FAM117A: variants seen among roughly 807,000 people sequenced by gnomAD.
FAM117A encodes family with sequence similarity 117 member A.
A neutral mutation model predicts 44.1 loss-of-function variants in FAM117A; 21 were observed. The ratio of observed to expected loss-of-function variants is 0.48; its 90% CI spans 0.34 to 0.69. The LOEUF is 0.69. FAM117A is among the 30% of genes least tolerant of loss of function. The pLI is 0.01. For missense variants in FAM117A, 498 were observed against 589.9 expected (o/e 0.84, Z 1.61); for synonymous variants, 220 against 238.3 (o/e 0.92, Z 0.71).
chr17:49,735,499 T>G (rs1031561870), intron 1 of FAM117A, among the ~76,000 whole-genome samples: 23 of 152,252 alleles, frequency 1.5e-4, no homozygotes, highest in African/African-American at 5.5e-4. Flanking sequence ...TATTATGTTC[T>G]GCTTGGTTCC....
At chr17:49,715,100 T>C (rs926347160) in intron 7 of FAM117A, among the ~76,000 whole-genome samples, 11 of 152,136 alleles carry the variant, frequency 7.2e-5, no homozygotes, top group African/African-American at 2.4e-4. Context: ...CACCATAATG[T>C]GGATTGAGGG....
intron 1 of FAM117A, among the ~76,000 whole-genome samples, chr17:49,737,859 C>T (rs1183658479): frequency 6.6e-6 from 1 of 152,210 alleles, no homozygotes; most frequent in African/African-American, 2.4e-5. Context: ...AGCCTCCTTC[C>T]TCCTAAATCA....
chr17:49,756,074 T>C (rs1441232099), intron 1 of FAM117A, among the ~76,000 whole-genome samples: 12 of 152,006 alleles, frequency 7.9e-5, no homozygotes, highest in Admixed American at 5.9e-4. Flanking sequence ...ATAAGGAATA[T>C]AGCTGACTAG....
intron 2 of FAM117A, chr17:49,732,225 A>G: frequency 5.1e-6 from 1 of 197,580 alleles, no homozygotes; most frequent in South Asian, 1.0e-4. Context: ...ACTCATTTCC[A>G]TATAAGTTTA....
chr17:49,734,262 G>A (rs2073600484), intron 1 of FAM117A, among the ~76,000 whole-genome samples: 1 of 152,120 alleles, frequency 6.6e-6, no homozygotes, highest in South Asian at 2.1e-4. Flanking sequence ...AGAACTGGGA[G>A]CTGTAGGTAT....
intron 1 of FAM117A, among the ~76,000 whole-genome samples, chr17:49,787,333 A>C (rs1361058473): frequency 6.6e-6 from 1 of 152,234 alleles, no homozygotes; most frequent in African/African-American, 2.4e-5. Flanking sequence ...ATAAGTTCTT[A>C]CGTGCAGTTC....
intron 7 of FAM117A, 143 bp downstream of exon 7, chr17:49,716,022 C>A: frequency 1.2e-6 from 1 of 860,904 alleles, no homozygotes; most frequent in Admixed American, 2.7e-5. Context: ...GTAATGTCAA[C>A]ACGTTTGATC....
chr17:49,711,511 T>C lies in FAM117A; in HGVS notation c.1106A>G (p.Lys369Arg). 1.9e-6 allele frequency: 3 copies of C among 1,614,024 alleles called. No homozygotes were observed. Among genetic ancestry groups the C allele is most frequent in the Non-Finnish European group, 2.5e-6 (3 of 1,180,010 alleles). The change falls in exon 8 of 8, where the codon AAG becomes AGG. Residue 369 changes from lysine (K) to arginine (R), a missense_variant. Physicochemically the swap from Lys to Arg is conservative, Grantham distance 26. Transcript: ENST00000240364. The stretch of plus-strand genomic sequence containing the variant: ...AGTCGGGTTGAAATGGACTTTGTTC[T>C]TGTCAGGACAGGAAGTCAGGAAGGC... ...DLAFLTSCPD[K>R]NKVHFNPTGS...
At chr17:49,738,935 C>T (rs1207502158) in intron 1 of FAM117A, among the ~76,000 whole-genome samples, 1 of 152,184 alleles carries the variant, frequency 6.6e-6, no homozygotes, top group Admixed American at 6.5e-5. Context: ...AGGTGTCAAA[C>T]TTCCCCCAAA....
chr17:49,734,358 C>T (rs1028664794), intron 1 of FAM117A, among the ~76,000 whole-genome samples: 10 of 151,500 alleles, frequency 6.6e-5, no homozygotes, highest in African/African-American at 2.2e-4. Flanking sequence ...TTTGGGAGGC[C>T]GAGGCAGGCG....
intron 1 of FAM117A, among the ~76,000 whole-genome samples, chr17:49,739,975 C>A (rs1018142468): frequency 6.6e-6 from 1 of 152,206 alleles, no homozygotes; most frequent in South Asian, 2.1e-4. Flanking sequence ...TCTTGAGCAA[C>A]GGCAAATGGA....
chr17:49,774,226 G>C (rs1287040749), intron 1 of FAM117A, among the ~76,000 whole-genome samples: 1 of 152,140 alleles, frequency 6.6e-6, no homozygotes, highest in Non-Finnish European at 1.5e-5. Context: ...GCTCACTGCA[G>C]CCTCGACTTC....
At chr17:49,730,553 C>T (rs1044920150) in intron 2 of FAM117A, among the ~76,000 whole-genome samples, 1 of 152,186 alleles carries the variant, frequency 6.6e-6, no homozygotes, top group Non-Finnish European at 1.5e-5. Flanking sequence ...AGAAGCCTGC[C>T]ATCTGACAAA....
chr17:49,717,820 GAC>G, intron 5 of FAM117A, 106 bp from the exon 6 acceptor site: 1 of 908,246 alleles, frequency 1.1e-6, no homozygotes, highest in Non-Finnish European at 1.7e-6. Context: ...CTCTATCCAT[GAC>G]ACACAACCAC....
chr17:49,784,965 A>AC (rs1441889054), intron 1 of FAM117A, among the ~76,000 whole-genome samples: 12 of 152,366 alleles, frequency 7.9e-5, no homozygotes, highest in Non-Finnish European at 1.8e-4. Context: ...GAACAGAGTT[A>AC]AAGAGGTTGA....
chr17:49,719,002 GC>G (rs1290311390), intron 5 of FAM117A, among the ~76,000 whole-genome samples: 7 of 150,258 alleles, frequency 4.7e-5, no homozygotes, highest in Middle Eastern at 6.5e-3. Flanking sequence ...GGTGGCTCAC[GC>G]CTGTAATCCC....
At chr17:49,712,406 A>T (rs142612054) in intron 7 of FAM117A, among the ~76,000 whole-genome samples, 4 of 152,220 alleles carry the variant, frequency 2.6e-5, no homozygotes, top group Non-Finnish European at 5.9e-5. Flanking sequence ...TAGTTGTGAC[A>T]ACTAAAAATG....
At chr17:49,745,886 A>G (rs2073652717) in intron 1 of FAM117A, among the ~76,000 whole-genome samples, 1 of 152,262 alleles carries the variant, frequency 6.6e-6, no homozygotes, top group African/African-American at 2.4e-5. Context: ...CAAAAGAGCC[A>G]TCAAAGGGGA....
At chr17:49,746,720 A>C (rs2073655773) in intron 1 of FAM117A, among the ~76,000 whole-genome samples, 1 of 152,214 alleles carries the variant, frequency 6.6e-6, no homozygotes, top group Non-Finnish European at 1.5e-5. Context: ...CTTCAAAAGG[A>C]ATGCAGAAAC....
Sources: allele counts gnomAD v4.1 joint callset (sites outside exome capture counted in the v4.1 genomes callset), GRCh38; gene constraint gnomAD v4.1.1; transcripts MANE v1.5; gene names NCBI Gene and HGNC (gene_info 2026-07-23, HGNC 2026-07-21).